Variants in MAST4 observed in about 807,000 individuals in gnomAD.
MAST4 encodes microtubule-associated serine/threonine-protein kinase 4.
Under a neutral mutation model 162.7 loss-of-function variants are expected in MAST4, and 89 were observed. The observed-to-expected ratio is 0.55, with a 90% confidence interval of 0.46 to 0.65. The LOEUF (loss-of-function observed/expected upper bound fraction) is 0.65. MAST4 is among the 30% of genes least tolerant of loss of function. The probability of loss-of-function intolerance (pLI) is 0.00; values close to 1 mark genes in which losing one functional copy is unlikely to be tolerated. For missense variants in MAST4, 3,153 were observed against 3,374.0 expected (o/e 0.93, Z 1.62); for synonymous variants, 1,479 against 1,361.1 (o/e 1.09, Z -1.91).
intron 3 of MAST4, among the ~76,000 whole-genome samples, chr5:66,864,002 G>A (rs1760303966): frequency 1.3e-5 from 2 of 152,172 alleles, no homozygotes; most frequent in African/African-American, 2.4e-5. Flanking sequence ...CACTGTGTGT[G>A]GTTGAGCTGA....
chr5:67,139,374 A>G (rs1770089519), intron 19 of MAST4, among the ~76,000 whole-genome samples: 1 of 152,224 alleles, frequency 6.6e-6, no homozygotes, highest in Non-Finnish European at 1.5e-5. Context: ...AGGAGAGAAA[A>G]GGGAAAGTGT....
chr5:67,129,979 G>A (rs1195853565), intron 14 of MAST4, among the ~76,000 whole-genome samples: 1 of 152,114 alleles, frequency 6.6e-6, no homozygotes. Flanking sequence ...AGATGAATCT[G>A]ATGCCTGGAT....
At chr5:66,621,713 G>A (rs1453011141) in intron 1 of MAST4, among the ~76,000 whole-genome samples, 1 of 152,164 alleles carries the variant, frequency 6.6e-6, no homozygotes, top group South Asian at 2.1e-4. Flanking sequence ...AGCACCTACT[G>A]TGCATCGGGT....
chr5:66,979,177 C>T lies in MAST4; in HGVS notation c.675-75227C>T, dbSNP rs149403503. On this transcript the variant is annotated intron_variant, in intron 4 of 28. Coordinates refer to ENST00000403625, the MANE Select transcript of MAST4 (RefSeq NM_001164664.2). ...GTAATATCGAACCTAAAAATGATGG[C>T]ACAGCAGCCAAGTAGAAAGGTCCAG... 3.7e-3 allele frequency among the ~76,000 whole-genome samples: 558 copies of T among 152,184 alleles called. 4 individuals carry two copies. Among genetic ancestry groups the T allele is most frequent in the African/African-American group, 0.013 (524 of 41,514 alleles).
intron 4 of MAST4, among the ~76,000 whole-genome samples, chr5:66,995,377 T>C (rs1750513659): frequency 6.6e-6 from 1 of 152,162 alleles, no homozygotes; most frequent in Non-Finnish European, 1.5e-5. Flanking sequence ...GACTGTCAAA[T>C]GTGTGGCTCC....
In MAST4 at chr5:66,884,968, C is replaced by T. The variant is rs569992910; in HGVS notation, c.643-14983C>T. On this transcript the variant is annotated intron_variant, in intron 3 of 28. Coordinates refer to ENST00000403625, the MANE Select transcript of MAST4 (RefSeq NM_001164664.2). ...ATCATTTGGGCTGAATCTTGCCCCT[C>T]CTTCCCCTAGCAGTAAGCCCTGCAC... 2.0e-5 allele frequency among the ~76,000 whole-genome samples: 3 copies of T among 152,306 alleles called. No individual in the cohort carries two copies. The South Asian group carries it at 6.2e-4, about 32-fold the overall frequency.
chr5:66,944,920 T>G (rs1270735309), intron 4 of MAST4, among the ~76,000 whole-genome samples: 1 of 152,140 alleles, frequency 6.6e-6, no homozygotes, highest in African/African-American at 2.4e-5. Context: ...GTAATCTCCT[T>G]TTTGATTTAG....
intron 1 of MAST4, among the ~76,000 whole-genome samples, chr5:66,747,642 A>G (rs371717747): frequency 4.3e-4 from 65 of 152,280 alleles, no homozygotes; most frequent in African/African-American, 1.5e-3. Context: ...AGCTTTTAGG[A>G]TGACCTACAA....
In MAST4 at chr5:66,807,244, C is replaced by T. The variant is rs182179692; in HGVS notation, c.642+18450C>T. On this transcript the variant is annotated intron_variant, in intron 3 of 28. Coordinates refer to ENST00000403625, the MANE Select transcript of MAST4 (RefSeq NM_001164664.2). ...GGGTGCGGTGGCTCACGCCTGTAAT[C>T]CCAGCACTTTGGGAGGCCGAGGCGG... 4.4e-3 allele frequency among the ~76,000 whole-genome samples: 669 copies of T among 152,302 alleles called. 6 individuals carry two copies. Among genetic ancestry groups the T allele is most frequent in the African/African-American group, 0.016 (650 of 41,564 alleles).
chr5:66,750,675 C>T (rs1264723010), intron 1 of MAST4, among the ~76,000 whole-genome samples: 1 of 152,224 alleles, frequency 6.6e-6, no homozygotes, highest in East Asian at 1.9e-4. Context: ...ATTGCTAGCA[C>T]AGCAGTCTGA....
chr5:66,609,041 T>C (rs1348432140), intron 1 of MAST4, among the ~76,000 whole-genome samples: 1 of 151,178 alleles, frequency 6.6e-6, no homozygotes, highest in Admixed American at 6.6e-5. Context: ...AATTGGATCT[T>C]TCTCCCTTAG....
At chr5:66,790,650 T>G (rs1755355147) in intron 3 of MAST4, among the ~76,000 whole-genome samples, 1 of 152,048 alleles carries the variant, frequency 6.6e-6, no homozygotes, top group South Asian at 2.1e-4. Context: ...GCTCAAGAGA[T>G]CCTCCTGCCT....
In MAST4 at chr5:66,672,048, T is replaced by G. The variant is rs558243697; in HGVS notation, c.363+75030T>G. Among the ~76,000 whole-genome samples, 496 of 152,326 alleles carry G rather than the reference T, an allele frequency of 3.3e-3. 1 individual carries two copies. The highest frequency in any genetic ancestry group is 0.011 in the African/African-American group (464 of 41,578). ...TTTAACTTGTTCAAATCCTTCTAAG[T>G]GTCTTAATTTTGTTTGATTTAAACA... is the stretch of plus-strand genomic sequence containing the variant. On this transcript the variant is annotated intron_variant, in intron 1 of 28. Coordinates refer to ENST00000403625, the MANE Select transcript of MAST4 (RefSeq NM_001164664.2).
chr5:66,855,935 G>A (rs996115662), intron 3 of MAST4, among the ~76,000 whole-genome samples: 10 of 152,152 alleles, frequency 6.6e-5, no homozygotes, highest in African/African-American at 2.2e-4. Flanking sequence ...GCTGAGTTGG[G>A]AGGATCACTT....
chr5:67,012,043 C>T (rs1227426351), intron 4 of MAST4, among the ~76,000 whole-genome samples: 1 of 152,140 alleles, frequency 6.6e-6, no homozygotes, highest in African/African-American at 2.4e-5. Context: ...TGTCTTCACT[C>T]AAGGCAGTGG....
chr5:66,687,605 C>A (rs1748760533), intron 1 of MAST4, among the ~76,000 whole-genome samples: 1 of 146,724 alleles, frequency 6.8e-6, no homozygotes, highest in African/African-American at 2.6e-5. Context: ...TACATATATA[C>A]ACATATATGT....
chr5:66,848,018 T>C (rs1434613809), intron 3 of MAST4, among the ~76,000 whole-genome samples: 1 of 152,084 alleles, frequency 6.6e-6, no homozygotes, highest in African/African-American at 2.4e-5. Flanking sequence ...TGCTGGACTT[T>C]TGTGTTGCCC....
chr5:67,086,491 A>T (rs1436545868), intron 5 of MAST4, among the ~76,000 whole-genome samples: 1 of 152,228 alleles, frequency 6.6e-6, no homozygotes, highest in Admixed American at 6.5e-5. Context: ...TGTATTAGCC[A>T]TGCTAGTTCC....
In MAST4 at chr5:66,713,747, G is replaced by A. The variant is rs569350700; in HGVS notation, c.364-45962G>A. ...TAGTTGTCAGTATTTATCTCTTTCCGCAATGGCTGGTGAGACAAGTGGAGA... is the reference window on the plus strand; with the variant it reads ...TAGTTGTCAGTATTTATCTCTTTCCACAATGGCTGGTGAGACAAGTGGAGA... On this transcript the variant is annotated intron_variant, in intron 1 of 28. Transcript: ENST00000403625. Among the ~76,000 whole-genome samples, 70 of 152,052 alleles carry A rather than the reference G, an allele frequency of 4.6e-4. 1 individual carries two copies. Among genetic ancestry groups the A allele is most frequent in the African/African-American group, 1.5e-3 (61 of 41,438 alleles).
Sources: gnomAD v4.1 joint callset for allele counts (sites outside exome capture counted in the v4.1 genomes callset) on GRCh38, gnomAD v4.1.1 for gene constraint, MANE v1.5 for transcripts, NCBI Gene and HGNC (gene_info 2026-07-23, HGNC 2026-07-21) for gene names.